The following ABI3BP variants were observed in gnomAD, a reference collection of about 807,000 sequenced individuals.
ABI3BP encodes ABI family member 3 binding protein.
In ABI3BP, 216 loss-of-function variants were observed where a neutral mutation model predicts 268.6. That is an observed-to-expected ratio of 0.80 (90% CI 0.72 to 0.90). ABI3BP has a LOEUF of 0.90. ABI3BP is among the 40% of genes least tolerant of loss of function. The pLI is 0.00. For missense variants in ABI3BP, 2,090 were observed against 2,182.4 expected (o/e 0.96, Z 0.84); for synonymous variants, 730 against 730.0 (o/e 1.00, Z 0.00).
Position 100,808,246 on chromosome 3 carries a change from G to T in ABI3BP, c.3608-11C>A, listed in dbSNP as rs759232868. The T allele has an allele frequency of 3.1e-6, 5 of 1,598,624 alleles. No homozygotes were observed. Among genetic ancestry groups the T allele is most frequent in the Non-Finnish European group, 4.3e-6 (5 of 1,173,042 alleles). On this transcript the variant is annotated splice_polypyrimidine_tract_variant and intron_variant, in intron 49 of 67. Coordinates refer to ENST00000471714, the MANE Select transcript of ABI3BP (RefSeq NM_001375547.2). ...GTGTCTGCTTGGGAGCTAAAAGAAAGGATATAGGTTCGGAAATCTTGAGCC... is the reference window on the plus strand; with the variant it reads ...GTGTCTGCTTGGGAGCTAAAAGAAATGATATAGGTTCGGAAATCTTGAGCC...
At chr3:100,951,033 A>C (rs1263114799) in intron 1 of ABI3BP, among the ~76,000 whole-genome samples, 2 of 151,938 alleles carry the variant, frequency 1.3e-5, no homozygotes, top group East Asian at 3.9e-4. Flanking sequence ...TGCTCACCGG[A>C]GAGTAACAAA....
intron 1 of ABI3BP, among the ~76,000 whole-genome samples, chr3:100,939,917 G>A (rs974394576): frequency 6.6e-5 from 10 of 151,994 alleles, no homozygotes; most frequent in African/African-American, 1.2e-4. Flanking sequence ...ACCCCCAGGC[G>A]CATATTCTCT....
At chr3:100,759,574 A>G (rs1012646676) in intron 63 of ABI3BP, among the ~76,000 whole-genome samples, 2 of 152,168 alleles carry the variant, frequency 1.3e-5, no homozygotes, top group Admixed American at 6.5e-5. Context: ...CACAAATTCC[A>G]GAGTTGGGCT....
chr3:100,806,159 A>G (rs1201923042), intron 50 of ABI3BP, among the ~76,000 whole-genome samples: 2 of 152,068 alleles, frequency 1.3e-5, no homozygotes, highest in East Asian at 1.9e-4. Flanking sequence ...CAATTTATAA[A>G]CACACTTTCA....
rs996882450 is a variant in ABI3BP, at chr3:100,821,603, T to G, written c.2888-490A>C. 1.5e-3 allele frequency among the ~76,000 whole-genome samples: 220 copies of G among 145,492 alleles called. 1 individual carries two copies. Among genetic ancestry groups the G allele is most frequent in the Middle Eastern group, 3.4e-3 (1 of 292 alleles). On this transcript the variant is annotated intron_variant, in intron 38 of 67. Transcript: ENST00000471714. ...CTGTCATCTTGAAGTAAGACTTTTT[T>G]TTTTTTTTTTTTTTTTTGAGATGGA... is the stretch of plus-strand genomic sequence containing the variant.
At chr3:100,856,620 T>G (rs1194632368) in intron 14 of ABI3BP, among the ~76,000 whole-genome samples, 2 of 152,170 alleles carry the variant, frequency 1.3e-5, no homozygotes, top group African/African-American at 4.8e-5. Context: ...AAACAAACAC[T>G]TCAAATTAAT....
At chr3:100,958,960 C>A (rs2077813404) in intron 1 of ABI3BP, among the ~76,000 whole-genome samples, 1 of 152,194 alleles carries the variant, frequency 6.6e-6, no homozygotes, top group African/African-American at 2.4e-5. Flanking sequence ...ATTCTCAAAA[C>A]CACCCAGATC....
chr3:100,778,623 A>G (rs948155565), intron 58 of ABI3BP: 5 of 437,414 alleles, frequency 1.1e-5, no homozygotes, highest in Non-Finnish European at 2.0e-5. Flanking sequence ...ATAGATGAAT[A>G]TACAGTCGGG....
At chr3:100,974,543 G>A (rs188794985) in intron 1 of ABI3BP, among the ~76,000 whole-genome samples, 1 of 152,204 alleles carries the variant, frequency 6.6e-6, no homozygotes, top group East Asian at 1.9e-4. Flanking sequence ...TCTGAAAAAG[G>A]CAAAACTATA....
intron 63 of ABI3BP, among the ~76,000 whole-genome samples, chr3:100,755,881 A>G (rs2095589783): frequency 6.6e-6 from 1 of 152,226 alleles, no homozygotes; most frequent in Admixed American, 6.5e-5. Flanking sequence ...TTATAATTAA[A>G]TAAGAATGCA....
Position 100,821,093 on chromosome 3 carries a change from G to C in ABI3BP, c.2908C>G (p.Pro970Ala). The C allele has an allele frequency of 6.5e-7, 1 of 1,535,922 alleles. No individual in the cohort carries two copies. The highest frequency in any genetic ancestry group is 2.4e-5 in the East Asian group (1 of 40,898). Reference protein sequence around the residue: ...SKPVPTAELKPVTLRTETWVT... With the variant: ...SKPVPTAELKAVTLRTETWVT... ...CAAGTCTCAGTTCTGAGTGTAACAG[G>C]TTTGAGCTCCGCAGTAGGAACTGAT... The change falls in exon 39 of 68, where the codon CCT (proline) becomes GCT (alanine). Residue 970 changes from proline (P) to alanine (A), a missense_variant. Coordinates refer to ENST00000471714, the MANE Select transcript of ABI3BP (RefSeq NM_001375547.2).
At chr3:100,972,566 A>T (rs145337331) in intron 1 of ABI3BP, among the ~76,000 whole-genome samples, 1 of 152,326 alleles carries the variant, frequency 6.6e-6, no homozygotes, top group African/African-American at 2.4e-5. Flanking sequence ...CATTTCCATT[A>T]GGTTCTCCAG....
chr3:100,874,958 G>C (rs571426964), intron 8 of ABI3BP, 25 bp from the exon 9 acceptor site: 1 of 1,387,488 alleles, frequency 7.2e-7, no homozygotes, highest in Admixed American at 1.9e-5. Flanking sequence ...ATGTAAATAA[G>C]ATAAGGGGAA....
In ABI3BP at chr3:100,778,544, A is replaced by G. The variant is rs761010438; in HGVS notation, c.4241-168T>C. 69 of 636,348 alleles carry G rather than the reference A, an allele frequency of 1.1e-4. No individual in the cohort carries two copies. In the Middle Eastern group the frequency reaches 2.6e-3, roughly 24 times the overall value. 39.4% of individuals were successfully genotyped at this position (636,348 alleles called of 1,614,324 possible). On this transcript the variant is annotated intron_variant, in intron 58 of 67. Transcript: ENST00000471714. Reference sequence around the variant, plus strand: ...CACACAAATATATTCAGATATTCCTATAAATAAATGTTGGTAATGTCCCCA... The same window carrying G: ...CACACAAATATATTCAGATATTCCTGTAAATAAATGTTGGTAATGTCCCCA...
chr3:100,934,706 T>G (rs1478836761), intron 1 of ABI3BP, among the ~76,000 whole-genome samples: 1 of 150,836 alleles, frequency 6.6e-6, no homozygotes, highest in Non-Finnish European at 1.5e-5. Context: ...CTCATTGTGG[T>G]TTTGATTTGC....
chr3:100,878,673 T>G (rs1821794), intron 6 of ABI3BP, among the ~76,000 whole-genome samples: 122 of 152,072 alleles, frequency 8.0e-4, no homozygotes, highest in Non-Finnish European at 1.5e-3. Context: ...AACTATTACA[T>G]GTGAGCACTT....
chr3:100,990,504 C>G (rs1054928876), intron 1 of ABI3BP, among the ~76,000 whole-genome samples: 2 of 150,776 alleles, frequency 1.3e-5, no homozygotes, highest in Admixed American at 1.3e-4. Flanking sequence ...AAGTATGTGA[C>G]TAGGTATGCA....
At chr3:100,879,591 G>A (rs2099204796) in intron 6 of ABI3BP, among the ~76,000 whole-genome samples, 1 of 152,108 alleles carries the variant, frequency 6.6e-6, no homozygotes, top group Admixed American at 6.5e-5. Context: ...AAAATATTCT[G>A]CTCTTCACAT....
intron 22 of ABI3BP, 107 bp downstream of exon 22, chr3:100,840,713 A>T (rs1463642084): frequency 7.1e-6 from 7 of 979,428 alleles, no homozygotes; most frequent in African/African-American, 3.3e-5. Context: ...TCACACACAC[A>T]CACAAAGGGA....
Sources: gnomAD v4.1 joint callset for allele counts (sites outside exome capture counted in the v4.1 genomes callset) on GRCh38, gnomAD v4.1.1 for gene constraint, MANE v1.5 for transcripts, NCBI Gene and HGNC (gene_info 2026-07-23, HGNC 2026-07-21) for gene names.